The following KSR2 variants were observed in gnomAD, a reference collection of about 807,000 sequenced individuals.
KSR2 encodes the protein kinase suppressor of ras 2.
In KSR2, 25 loss-of-function variants were observed where a neutral mutation model predicts 107.8. That is an observed-to-expected ratio of 0.23 (90% CI 0.17 to 0.32). The LOEUF is 0.32. KSR2 is among the 10% of genes least tolerant of loss of function. The pLI, the probability that KSR2 is intolerant of heterozygous loss-of-function variation, is 1.00. For synonymous variants in KSR2, 480 were observed against 507.0 expected (o/e 0.95, Z 0.71); for missense variants, 887 against 1,268.9 (o/e 0.70, Z 4.57).
At chr12:117,548,558 C>T (rs1436790113) in intron 9 of KSR2, among the ~76,000 whole-genome samples, 1 of 151,912 alleles carries the variant, frequency 6.6e-6, no homozygotes, top group Non-Finnish European at 1.5e-5. Flanking sequence ...GGCTTCTGAT[C>T]AACAGTGGGC....
intron 1 of KSR2, among the ~76,000 whole-genome samples, chr12:117,936,120 C>G (rs545653603): frequency 1.1e-4 from 17 of 152,066 alleles, no homozygotes; most frequent in Non-Finnish European, 1.3e-4. Flanking sequence ...CACTGCAACT[C>G]TGCCTCCCAG....
chr12:117,780,252 T>G (rs1297715140), intron 3 of KSR2, among the ~76,000 whole-genome samples: 1 of 152,160 alleles, frequency 6.6e-6, no homozygotes, highest in Non-Finnish European at 1.5e-5. Flanking sequence ...AAACAGATAT[T>G]TATACACCAA....
At position 117,576,144 on chromosome 12, in the gene KSR2, T is replaced by C. The variant is rs76187746; in HGVS notation, c.1325+2975A>G. On this transcript the variant is annotated intron_variant, in intron 7 of 19. Coordinates refer to ENST00000339824, the MANE Select transcript of KSR2 (RefSeq NM_173598.6). Reference sequence around the variant, plus strand: ...GGCTACTTCTGAGTTCTGCCTCTAGTGCTGAAAATTAAAACGGCTTGGGAA... The same window carrying C: ...GGCTACTTCTGAGTTCTGCCTCTAGCGCTGAAAATTAAAACGGCTTGGGAA... Among the ~76,000 whole-genome samples, 742 of 152,330 alleles carry C rather than the reference T, an allele frequency of 4.9e-3. 11 individuals are homozygous for C. The highest frequency in any genetic ancestry group is 0.027 in the East Asian group (142 of 5,190).
chr12:117,816,880 C>T (rs1221729090), intron 3 of KSR2, among the ~76,000 whole-genome samples: 1 of 152,186 alleles, frequency 6.6e-6, no homozygotes, highest in Non-Finnish European at 1.5e-5. Flanking sequence ...TTCATTAGCT[C>T]ATAAGTGGCA....
rs916833930 is a variant in KSR2 at position 117,587,609 on chromosome 12, A to C, written c.1172-5250T>G. On this transcript the variant is annotated intron_variant, in intron 5 of 19. Coordinates refer to ENST00000339824, the MANE Select transcript of KSR2 (RefSeq NM_173598.6). ...TGAGTTGGTGGCCGTTTGTCACAGC[A>C]GCCATGGGAAACTGACACAGCACCT... Among the ~76,000 whole-genome samples, 3 of 152,278 alleles carry C rather than the reference A, an allele frequency of 2.0e-5. No homozygotes were observed. The East Asian group carries it at 5.8e-4, about 29-fold the overall frequency.
chr12:117,832,442 C>T, intron 3 of KSR2, among the ~76,000 whole-genome samples: 1 of 152,222 alleles, frequency 6.6e-6, no homozygotes, highest in East Asian at 1.9e-4. Context: ...GCGTCATCAA[C>T]AAAAGTAGCA....
At chr12:117,531,850 C>CCCTTGTCTG in intron 10 of KSR2, 143 bp from the exon 11 acceptor site, 1 of 564,582 alleles carries the variant, frequency 1.8e-6, no homozygotes, top group Non-Finnish European at 3.0e-6. Context: ...TCCCTGCAGA[C>CCCTTGTCTG]AAGGGACTGC....
At chr12:117,737,969 G>A (rs1278398593) in intron 4 of KSR2, among the ~76,000 whole-genome samples, 1 of 152,128 alleles carries the variant, frequency 6.6e-6, no homozygotes, top group Non-Finnish European at 1.5e-5. Flanking sequence ...AACAGTTTGA[G>A]TCCCAAGGTG....
intron 4 of KSR2, among the ~76,000 whole-genome samples, chr12:117,678,505 T>C (rs593832): frequency 0.99 from 150,717 of 152,308 alleles, 74,582 homozygotes; most frequent in East Asian, 1. Context: ...GACTGAAGAA[T>C]AGATTTCTTG....
intron 1 of KSR2, among the ~76,000 whole-genome samples, chr12:117,919,037 C>G (rs774606656): frequency 6.6e-6 from 1 of 152,140 alleles, no homozygotes; most frequent in Non-Finnish European, 1.5e-5. Context: ...ACTCAGGAGG[C>G]TGAGGCAAGA....
chr12:117,758,504 C>T (rs1888876132), intron 4 of KSR2, among the ~76,000 whole-genome samples: 2 of 152,134 alleles, frequency 1.3e-5, no homozygotes, highest in South Asian at 2.1e-4. Flanking sequence ...CACAGCATCC[C>T]CCAAGGTGGG....
At chr12:117,817,596 A>G (rs1891418280) in intron 3 of KSR2, among the ~76,000 whole-genome samples, 1 of 152,136 alleles carries the variant, frequency 6.6e-6, no homozygotes, top group Admixed American at 6.6e-5. Flanking sequence ...ATATTACCTG[A>G]TAATACTATT....
chr12:117,670,853 T>C (rs2136497103), intron 4 of KSR2, among the ~76,000 whole-genome samples: 1 of 152,154 alleles, frequency 6.6e-6, no homozygotes, highest in Admixed American at 6.5e-5. Context: ...TTTCTATCGT[T>C]TCTCTTCCTC....
At chr12:117,667,400 A>G in intron 5 of KSR2, 74 bp downstream of exon 5, 1 of 1,390,864 alleles carries the variant, frequency 7.2e-7, no homozygotes, top group South Asian at 1.2e-5. Flanking sequence ...CACCTGGCAC[A>G]GAGGACAGCA....
intron 4 of KSR2, among the ~76,000 whole-genome samples, chr12:117,760,638 C>T (rs521233): frequency 0.21 from 31,347 of 152,138 alleles, 3,853 homozygotes; most frequent in Non-Finnish European, 0.29. Flanking sequence ...AGTAAAAAGC[C>T]AGATGGTAAA....
intron 10 of KSR2, among the ~76,000 whole-genome samples, chr12:117,534,954 G>T (rs994413090): frequency 6.6e-6 from 1 of 152,134 alleles, no homozygotes; most frequent in South Asian, 2.1e-4. Flanking sequence ...TTGACATCTC[G>T]GTTTTTAGCC....
Position 117,524,835 on chromosome 12 carries a change from G to T in KSR2, c.2219+17C>A. The stretch of plus-strand genomic sequence containing the variant: ...GAGTTTTGCCAATCCCTGGGTAGAA[G>T]CCCAGGTGGAACTGACCTGGTGATG... On this transcript the variant is annotated intron_variant, in intron 14 of 19. Transcript: ENST00000339824. 1 of 1,587,172 alleles carries T rather than the reference G, an allele frequency of 6.3e-7. No individual in the cohort carries two copies. The highest frequency in any genetic ancestry group is 8.6e-7 in the Non-Finnish European group (1 of 1,168,712).
chr12:117,799,237 C>T (rs1890743806), intron 3 of KSR2, among the ~76,000 whole-genome samples: 1 of 152,216 alleles, frequency 6.6e-6, no homozygotes. Context: ...CGCGGTGGCT[C>T]ACGCCTGTAA....
intron 1 of KSR2, among the ~76,000 whole-genome samples, chr12:117,948,644 A>G (rs964368192): frequency 6.6e-6 from 1 of 152,230 alleles, no homozygotes; most frequent in Non-Finnish European, 1.5e-5. Flanking sequence ...AAGGCAATTC[A>G]GTGGAGAAAG....
Sources: allele counts gnomAD v4.1 joint callset (sites outside exome capture counted in the v4.1 genomes callset), GRCh38; gene constraint gnomAD v4.1.1; transcripts MANE v1.5; gene names NCBI Gene and HGNC (gene_info 2026-07-23, HGNC 2026-07-21).